KLHL29: variants seen among roughly 807,000 people sequenced by gnomAD.
KLHL29 encodes the protein kelch-like protein 29.
Under a neutral mutation model 80.4 loss-of-function variants are expected in KLHL29, and 21 were observed. The observed-to-expected ratio is 0.26, with a 90% CI of 0.19 to 0.38. The LOEUF is 0.38. Among genes scored for constraint, KLHL29 ranks in the 10% least tolerant of loss-of-function variants. The probability of loss-of-function intolerance (pLI) is 1.00; values close to 1 mark genes in which losing one functional copy is unlikely to be tolerated. For synonymous variants in KLHL29, 511 were observed against 526.8 expected, an observed-to-expected ratio of 0.97 and a Z score of 0.41; for missense variants, 867 against 1,223.9, an observed-to-expected ratio of 0.71 and a Z score of 4.35.
intron 3 of KLHL29, among the ~76,000 whole-genome samples, chr2:23,584,063 G>C (rs6735243): frequency 0.86 from 130,726 of 152,184 alleles, 56,693 homozygotes; most frequent in East Asian, 1. Flanking sequence ...AGACAGAAGG[G>C]CTCCACAAAC....
In KLHL29 at chr2:23,385,773, C is replaced by CGCG. The variant is rs1666158290; in HGVS notation, c.-159_-158insGGC. 6.4e-6 allele frequency: 1 copy of CGCG among 155,408 alleles called. No individual in the cohort carries two copies. The highest frequency in any genetic ancestry group is 1.5e-5 in the Non-Finnish European group (1 of 67,988). 9.6% of individuals were successfully genotyped at this position (155,408 alleles called of 1,614,324 possible). A position where few individuals can be genotyped will look rare whatever the true frequency, so the allele number is the denominator to read the frequency against. On this transcript the variant is annotated 5_prime_UTR_variant, in exon 1 of 14. Transcript: ENST00000486442. ...GCGTCGGGCCGGGGCCGGAGCCGCG[C>CGCG]GCCGGAGGTAAGAGCCGGGCCGGGC...
At chr2:23,564,070 C>G (rs987109502) in intron 3 of KLHL29, among the ~76,000 whole-genome samples, 1 of 152,236 alleles carries the variant, frequency 6.6e-6, no homozygotes, top group African/African-American at 2.4e-5. Context: ...CCGCTGGAAC[C>G]GACTGCTCGG....
chr2:23,638,502 C>G lies in KLHL29; in HGVS notation c.286-637C>G, dbSNP rs551854436. On this transcript the variant is annotated intron_variant, in intron 3 of 13. Transcript: ENST00000486442. ...TTCCTGCACAGAGGAGCTGAGGGTC[C>G]CACCATCCACCTAGGAGCAGTATCT... Among the ~76,000 whole-genome samples the G allele has an allele frequency of 1.2e-4, 18 of 152,224 alleles. No individual in the cohort carries two copies. In the South Asian group the frequency reaches 3.3e-3, roughly 28 times the overall value.
In KLHL29 at chr2:23,703,201, C is replaced by T. The variant is rs140516864; in HGVS notation, c.2121C>T (p.Thr707=). 3,917 of 1,457,708 alleles carry T rather than the reference C, an allele frequency of 2.7e-3. 10 individuals carry two copies. Among genetic ancestry groups the T allele is most frequent in the Non-Finnish European group, 2.5e-3 (2,800 of 1,100,498 alleles). The allele number at this position is 1,457,708 out of a possible 1,614,324, so 90.3% of individuals were successfully genotyped here. Residue 707 remains threonine (T), a synonymous_variant, in exon 12 of 14, where the codon ACC becomes ACT. Transcript: ENST00000486442. ...VDHVERYDTI[T]NQWEAVAPLP... Reference sequence around the variant, plus strand: ...TCTCCTGCAGGTACGACACCATCACCAACCAATGGGAGGCGGTGGCCCCTC... The same window carrying T: ...TCTCCTGCAGGTACGACACCATCACTAACCAATGGGAGGCGGTGGCCCCTC...
intron 1 of KLHL29, among the ~76,000 whole-genome samples, chr2:23,406,507 T>C (rs546628965): frequency 2.0e-5 from 3 of 152,220 alleles, no homozygotes; most frequent in Non-Finnish European, 4.4e-5. Context: ...CCTCATGTAA[T>C]TGAAAATTAC....
chr2:23,574,642 G>A (rs1439210762), intron 3 of KLHL29, among the ~76,000 whole-genome samples: 1 of 152,154 alleles, frequency 6.6e-6, no homozygotes, highest in Non-Finnish European at 1.5e-5. Flanking sequence ...ATGGCACTGT[G>A]ACTGCAGTGA....
chr2:23,514,695 G>A (rs902702843), intron 2 of KLHL29, among the ~76,000 whole-genome samples: 2 of 152,182 alleles, frequency 1.3e-5, no homozygotes, highest in Non-Finnish European at 2.9e-5. Flanking sequence ...GCACCGTTAG[G>A]AAGAAGGTCA....
chr2:23,546,034 G>A (rs1666971156), intron 2 of KLHL29, among the ~76,000 whole-genome samples: 1 of 152,244 alleles, frequency 6.6e-6, no homozygotes, highest in South Asian at 2.1e-4. Context: ...TGAGCCAAGA[G>A]CAGATGGTGT....
At chr2:23,421,825 C>T (rs954154364) in intron 1 of KLHL29, among the ~76,000 whole-genome samples, 5 of 150,388 alleles carry the variant, frequency 3.3e-5, no homozygotes, top group Non-Finnish European at 5.9e-5. Flanking sequence ...TGTGTATGTA[C>T]ATCTCTGGCT....
intron 5 of KLHL29, chr2:23,672,252 G>C (rs1572484517): frequency 6.6e-6 from 1 of 152,552 alleles, no homozygotes; most frequent in East Asian, 1.9e-4. Context: ...ACATGGCCCA[G>C]ATCCCCCCAT....
intron 2 of KLHL29, among the ~76,000 whole-genome samples, chr2:23,551,469 A>G (rs867751412): frequency 1.3e-5 from 2 of 152,220 alleles, no homozygotes; most frequent in Admixed American, 6.5e-5. Flanking sequence ...GGGCACTAGT[A>G]CTGCTTTTCC....
At position 23,535,365 on chromosome 2, in the gene KLHL29, C is replaced by T. The variant is rs1666628775; in HGVS notation, c.-45-26787C>T. Among the ~76,000 whole-genome samples, 3 of 152,250 alleles carry T rather than the reference C, an allele frequency of 2.0e-5. No homozygotes were observed. The South Asian group carries it at 6.2e-4, about 31-fold the overall frequency. On this transcript the variant is annotated intron_variant, in intron 2 of 13. Transcript: ENST00000486442. The stretch of plus-strand genomic sequence containing the variant: ...TCCAAAGAATCAGAGCCAAGCCTCA[C>T]ACGGCCACAGGCTGAGGCCTGCCTC...
intron 1 of KLHL29, among the ~76,000 whole-genome samples, chr2:23,404,301 C>A (rs1666672716): frequency 6.6e-6 from 1 of 151,902 alleles, no homozygotes; most frequent in Non-Finnish European, 1.5e-5. Flanking sequence ...ATTAGCAAAT[C>A]GTACAAAAAT....
At chr2:23,490,098 G>C (rs1193425519) in intron 2 of KLHL29, among the ~76,000 whole-genome samples, 1 of 152,240 alleles carries the variant, frequency 6.6e-6, no homozygotes, top group South Asian at 2.1e-4. Context: ...GCGAGGATGC[G>C]CGTGCAGGCG....
intron 1 of KLHL29, among the ~76,000 whole-genome samples, chr2:23,401,595 A>G (rs1666600424): frequency 6.6e-6 from 1 of 152,228 alleles, no homozygotes; most frequent in Non-Finnish European, 1.5e-5. Context: ...AGCCCATCTC[A>G]GCAAGTCAGG....
intron 2 of KLHL29, among the ~76,000 whole-genome samples, chr2:23,538,322 G>A (rs1208324010): frequency 6.6e-6 from 1 of 152,208 alleles, no homozygotes; most frequent in Non-Finnish European, 1.5e-5. Flanking sequence ...CCTGACGTCA[G>A]TTTCACTTTT....
At chr2:23,525,671 T>G (rs1666282787) in intron 2 of KLHL29, among the ~76,000 whole-genome samples, 1 of 149,864 alleles carries the variant, frequency 6.7e-6, no homozygotes, top group African/African-American at 2.5e-5. Context: ...GAGTAAGGCA[T>G]GGAACCTGCT....
At chr2:23,597,292 CTCTCATATA>C (rs1245993100) in intron 3 of KLHL29, among the ~76,000 whole-genome samples, 1 of 39,192 alleles carries the variant, frequency 2.6e-5, no homozygotes, top group Non-Finnish European at 5.5e-5. Flanking sequence ...ATCTCTCTCT[CTCTCATATA>C]TATATATATG....
chr2:23,673,583 ACATACACAGGGGTG>A (rs1213845802), intron 5 of KLHL29, among the ~76,000 whole-genome samples: 1 of 151,756 alleles, frequency 6.6e-6, no homozygotes, highest in Middle Eastern at 3.2e-3. Flanking sequence ...ATACATGGGC[ACATACACAGGGGTG>A]CATACACACC....
Sources: gnomAD v4.1 joint callset for allele counts (sites outside exome capture counted in the v4.1 genomes callset) on GRCh38, gnomAD v4.1.1 for gene constraint, MANE v1.5 for transcripts, NCBI Gene and HGNC (gene_info 2026-07-23, HGNC 2026-07-21) for gene names.